The following DCDC2 variants were observed in gnomAD, a reference collection of about 807,000 sequenced individuals.
The protein encoded by DCDC2 is doublecortin domain containing 2.
A neutral mutation model predicts 50.2 loss-of-function variants in DCDC2; 40 were observed. The observed-to-expected ratio is 0.80, with a 90% CI of 0.62 to 1.04. The LOEUF (loss-of-function observed/expected upper bound fraction) is 1.04, where lower values mean the gene tolerates loss of function less well. Ranked by LOEUF, DCDC2 falls within the 50% of genes least tolerant of loss-of-function variation. The pLI is 0.00. For missense variants in DCDC2, 570 were observed against 581.9 expected, an observed-to-expected ratio of 0.98 and a Z score of 0.21; for synonymous variants, 234 against 210.6, an observed-to-expected ratio of 1.11 and a Z score of -0.96.
chr6:24,173,986 T>C lies in DCDC2; in HGVS notation c.*744A>G, dbSNP rs1760843795. On this transcript the variant is annotated 3_prime_UTR_variant, in exon 10 of 10. Transcript: ENST00000378454. ...CAGTGAAAATCCACAGGATTTCCAT[T>C]ATCTGCAAACCATACATCCAGGCTT... 1 of 152,206 alleles carries C rather than the reference T, an allele frequency of 6.6e-6. No homozygotes were observed. The highest frequency in any genetic ancestry group is 1.5e-5 in the Non-Finnish European group (1 of 68,036). The allele number at this position is 152,206 out of a possible 1,614,324, so 9.4% of individuals were successfully genotyped here.
chr6:24,284,185 T>C (rs1026313029), intron 6 of DCDC2, among the ~76,000 whole-genome samples: 4 of 152,180 alleles, frequency 2.6e-5, no homozygotes, highest in Non-Finnish European at 5.9e-5. Flanking sequence ...ATAATAGATG[T>C]CCGCCCCCAC....
At chr6:24,289,566 A>T (rs1256756768) in intron 5 of DCDC2, among the ~76,000 whole-genome samples, 2 of 152,248 alleles carry the variant, frequency 1.3e-5, no homozygotes, top group East Asian at 3.8e-4. Flanking sequence ...CATCAGGTAC[A>T]CACTGTTGAT....
intron 2 of DCDC2, among the ~76,000 whole-genome samples, chr6:24,304,414 C>T (rs1194606678): frequency 6.6e-6 from 1 of 152,118 alleles, no homozygotes; most frequent in Non-Finnish European, 1.5e-5. Context: ...AACCGGGAGG[C>T]AGAGGTTGCA....
Position 24,205,106 on chromosome 6 carries a change from T to C in DCDC2, c.923-4A>G, listed in dbSNP as rs1044708677. ...CCAGCTTTGAAAATGCCTTCATCTA[T>C]TGAGACAAACACACAGTGAAAATCA... On this transcript the variant is annotated splice_region_variant and splice_polypyrimidine_tract_variant and intron_variant, in intron 7 of 9. Transcript: ENST00000378454. The C allele has an allele frequency of 9.3e-6, 15 of 1,614,038 alleles. No individual in the cohort carries two copies. The highest frequency in any genetic ancestry group is 2.2e-5 in the South Asian group (2 of 91,086).
chr6:24,286,098 C>T (rs953458005), intron 6 of DCDC2, among the ~76,000 whole-genome samples: 2 of 152,194 alleles, frequency 1.3e-5, no homozygotes, highest in Non-Finnish European at 2.9e-5. Flanking sequence ...TCCTCTTTGA[C>T]CCCGCACCTG....
intron 7 of DCDC2, among the ~76,000 whole-genome samples, chr6:24,255,187 G>A (rs537598635): frequency 4.6e-5 from 7 of 152,162 alleles, no homozygotes; most frequent in Admixed American, 3.9e-4. Flanking sequence ...AAGTTAAGAC[G>A]AAGGTGACAC....
chr6:24,183,483 G>C (rs1208725691), intron 8 of DCDC2, among the ~76,000 whole-genome samples: 1 of 152,146 alleles, frequency 6.6e-6, no homozygotes, highest in Non-Finnish European at 1.5e-5. Context: ...CTTCCAAGGG[G>C]GAAGAAGGTA....
chr6:24,326,835 G>A (rs1349744916), intron 2 of DCDC2, among the ~76,000 whole-genome samples: 1 of 146,524 alleles, frequency 6.8e-6, no homozygotes, highest in African/African-American at 2.5e-5. Flanking sequence ...CTCCAGCCTG[G>A]GTGACAGAGC....
intron 6 of DCDC2, among the ~76,000 whole-genome samples, chr6:24,281,486 A>AG (rs1763469226): frequency 3.8e-5 from 3 of 78,434 alleles, no homozygotes; most frequent in African/African-American, 1.3e-4. Flanking sequence ...AATGCTTTTA[A>AG]GAAAAAAAAA....
At chr6:24,250,994 G>C (rs995232655) in intron 7 of DCDC2, among the ~76,000 whole-genome samples, 17 of 152,210 alleles carry the variant, frequency 1.1e-4, no homozygotes, top group African/African-American at 4.1e-4. Context: ...CAAGGAAAGA[G>C]GTATAGTCTA....
intron 7 of DCDC2, among the ~76,000 whole-genome samples, chr6:24,242,509 TCCGTG>T: frequency 6.6e-6 from 1 of 152,174 alleles, no homozygotes; most frequent in Non-Finnish European, 1.5e-5. Context: ...CCCCCACCTC[TCCGTG>T]TCCTCCCACT....
chr6:24,194,946 A>G (rs764244603), intron 8 of DCDC2, among the ~76,000 whole-genome samples: 7 of 152,182 alleles, frequency 4.6e-5, no homozygotes, highest in Admixed American at 2.0e-4. Context: ...CAGGTCCATC[A>G]TCATTAATTT....
upstream of DCDC2, among the ~76,000 whole-genome samples, chr6:24,358,817 TA>T (rs1252075690): frequency 4.8e-4 from 27 of 55,950 alleles, 1 homozygote; most frequent in African/African-American, 2.7e-3. Context: ...TATATATAAA[TA>T]TATATATTAT....
the DCDC2 span, among the ~76,000 whole-genome samples, chr6:24,366,373 T>C: frequency 6.6e-6 from 1 of 152,188 alleles, no homozygotes; most frequent in Non-Finnish European, 1.5e-5. Flanking sequence ...ACGGATTTGA[T>C]AGCAGTGAAA....
At chr6:24,266,500 T>A (rs1763124822) in intron 7 of DCDC2, among the ~76,000 whole-genome samples, 1 of 152,076 alleles carries the variant, frequency 6.6e-6, no homozygotes, top group South Asian at 2.1e-4. Flanking sequence ...AATTTAAAAA[T>A]GGGCAAAACA....
the DCDC2 span, among the ~76,000 whole-genome samples, chr6:24,367,694 G>T: frequency 6.6e-6 from 1 of 152,094 alleles, no homozygotes; most frequent in South Asian, 2.1e-4. Context: ...CTCTCTGGAG[G>T]AACACAGCTT....
Position 24,173,760 on chromosome 6 carries a change from G to T in DCDC2, c.*970C>A, listed in dbSNP as rs1439352191. ...CCTAGGGCAAAAACATAGTAAAACA[G>T]TCTTAATAGAAATAAGGCAAAAAAC... On this transcript the variant is annotated 3_prime_UTR_variant, in exon 10 of 10. Transcript: ENST00000378454. The T allele has an allele frequency of 3.9e-5, 6 of 152,150 alleles. No homozygotes were observed. Among genetic ancestry groups the T allele is most frequent in the African/African-American group, 1.4e-4 (6 of 41,436 alleles). The allele number at this position is 152,150 out of a possible 1,614,324, so 9.4% of individuals were successfully genotyped here.
At chr6:24,238,599 C>G (rs148248292) in intron 7 of DCDC2, among the ~76,000 whole-genome samples, 1 of 151,942 alleles carries the variant, frequency 6.6e-6, no homozygotes, top group Non-Finnish European at 1.5e-5. Flanking sequence ...GCACCAGGCC[C>G]GAACACCCAA....
intron 8 of DCDC2, among the ~76,000 whole-genome samples, chr6:24,199,416 G>A (rs1167681025): frequency 6.6e-6 from 1 of 152,216 alleles, no homozygotes; most frequent in African/African-American, 2.4e-5. Flanking sequence ...CTGCAGCAGA[G>A]GGGCCTGACT....
Sources: allele counts gnomAD v4.1 joint callset (sites outside exome capture counted in the v4.1 genomes callset), GRCh38; gene constraint gnomAD v4.1.1; transcripts MANE v1.5; gene names NCBI Gene and HGNC (gene_info 2026-07-23, HGNC 2026-07-21).